SYNJ2BP: variants seen among roughly 807,000 people sequenced by gnomAD.
The protein encoded by SYNJ2BP is synaptojanin 2 binding protein.
In SYNJ2BP, 10 loss-of-function variants were observed where a neutral mutation model predicts 16.9. That is an observed-to-expected ratio of 0.59 (90% CI 0.36 to 1.00). The LOEUF (loss-of-function observed/expected upper bound fraction) is 1.00. Among genes scored for constraint, SYNJ2BP ranks in the 50% least tolerant of loss-of-function variants. SYNJ2BP has a pLI of 0.01. For missense variants in SYNJ2BP, 162 were observed against 186.7 expected, an observed-to-expected ratio of 0.87 and a Z score of 0.77; for synonymous variants, 54 against 68.4, an observed-to-expected ratio of 0.79 and a Z score of 1.04.
At chr14:70,375,809 G>A (rs755173926) in intron 2 of SYNJ2BP, 38 bp from the exon 3 acceptor site, 5 of 1,596,682 alleles carry the variant, frequency 3.1e-6, no homozygotes, top group Non-Finnish European at 4.3e-6. Flanking sequence ...AAGGAAGAAG[G>A]CTATTAGAAG....
chr14:70,367,264 G>A lies in SYNJ2BP; in HGVS notation c.*5727C>T, dbSNP rs1887408957. On this transcript the variant is annotated 3_prime_UTR_variant, in exon 4 of 4. Transcript: ENST00000256366. ...AAGCAAATCAAGTGCTTTGTGTTCT[G>A]TATATAAATTACATAATACAAGAGT... 6.6e-6 allele frequency: 1 copy of A among 152,116 alleles called. No homozygotes were observed. The highest frequency in any genetic ancestry group is 6.6e-5 in the Admixed American group (1 of 15,250). 9.4% of individuals were successfully genotyped at this position (152,116 alleles called of 1,614,324 possible).
In SYNJ2BP at chr14:70,416,890, C is replaced by T; in HGVS notation, c.64+10G>A. On this transcript the variant is annotated intron_variant, in intron 1 of 3. Coordinates refer to ENST00000256366, the MANE Select transcript of SYNJ2BP (RefSeq NM_018373.3). The stretch of plus-strand genomic sequence containing the variant: ...CCCCTACTGTCAGATATGACCCTTT[C>T]CGCACATACCTGAGGGCCCTCTGGT... 1 of 1,614,070 alleles carries T rather than the reference C, an allele frequency of 6.2e-7. No individual in the cohort carries two copies. The highest frequency in any genetic ancestry group is 2.2e-5 in the East Asian group (1 of 44,866).
intron 2 of SYNJ2BP, among the ~76,000 whole-genome samples, chr14:70,383,295 A>G (rs2877660): frequency 0.87 from 132,935 of 152,212 alleles, 58,111 homozygotes; most frequent in East Asian, 0.93. Flanking sequence ...TGATTGGATG[A>G]GGGTTTCTGC....
At chr14:70,391,679 T>G (rs922207775) in intron 1 of SYNJ2BP, among the ~76,000 whole-genome samples, 1 of 152,050 alleles carries the variant, frequency 6.6e-6, no homozygotes, top group African/African-American at 2.4e-5. Context: ...ATGTAGTAGT[T>G]AGCAACAGAA....
At chr14:70,405,805 C>G (rs1888333224) in intron 1 of SYNJ2BP, among the ~76,000 whole-genome samples, 1 of 152,094 alleles carries the variant, frequency 6.6e-6, no homozygotes, top group African/African-American at 2.4e-5. Context: ...ACTTGTTCAC[C>G]TTTTGAGTAA....
intron 2 of SYNJ2BP, among the ~76,000 whole-genome samples, chr14:70,377,034 C>G (rs1337636239): frequency 6.6e-6 from 1 of 152,152 alleles, no homozygotes; most frequent in East Asian, 1.9e-4. Flanking sequence ...CAATAGTTTC[C>G]AACTCCATTC....
chr14:70,388,352 A>G (rs1887905128), intron 2 of SYNJ2BP, 118 bp downstream of exon 2: 1 of 1,335,560 alleles, frequency 7.5e-7, no homozygotes, highest in Admixed American at 3.3e-5. Flanking sequence ...GTTCCCATTC[A>G]ACTCTACAAC....
In SYNJ2BP at chr14:70,373,044, C is replaced by A; in HGVS notation, c.385G>T (p.Ala129Ser). 1.2e-6 allele frequency: 2 copies of A among 1,614,138 alleles called. No individual in the cohort carries two copies. Among genetic ancestry groups the A allele is most frequent in the Non-Finnish European group, 1.7e-6 (2 of 1,180,028 alleles). ...PIFMVLVPVF[A>S]LTMVAAWAFM... ...GCCCAGGCTGCTACCATGGTGAGGG[C>A]AAACACTGGCACCAGCACCATAAAT... Residue 129 changes from alanine to serine, a missense_variant, in exon 4 of 4, where the codon GCC becomes TCC. By Grantham distance (99) the Ala-to-Ser change is moderately conservative. Coordinates refer to ENST00000256366, the MANE Select transcript of SYNJ2BP (RefSeq NM_018373.3).
rs114463260 is a variant in SYNJ2BP at position 70,376,904 on chromosome 14, T to C, written c.202-1133A>G. On this transcript the variant is annotated intron_variant, in intron 2 of 3. Coordinates refer to ENST00000256366, the MANE Select transcript of SYNJ2BP (RefSeq NM_018373.3). ...CCTTACTCAACTCTCTCATTTTCCT[T>C]GTCGCAATCTTCCTTCTCCAAGGCA... is the stretch of plus-strand genomic sequence containing the variant. 1.9e-3 allele frequency among the ~76,000 whole-genome samples: 295 copies of C among 152,306 alleles called. 4 individuals carry two copies. The highest frequency in any genetic ancestry group is 6.9e-3 in the African/African-American group (285 of 41,568).
intron 3 of SYNJ2BP, among the ~76,000 whole-genome samples, chr14:70,374,459 T>C (rs1341761826): frequency 1.3e-5 from 2 of 152,170 alleles, no homozygotes; most frequent in Non-Finnish European, 2.9e-5. Flanking sequence ...TGCACCTATT[T>C]AAGAAGTAGC....
At chr14:70,406,974 T>C (rs1002855148) in intron 1 of SYNJ2BP, among the ~76,000 whole-genome samples, 4 of 152,140 alleles carry the variant, frequency 2.6e-5, no homozygotes, top group South Asian at 2.1e-4. Context: ...GAAGAACCCA[T>C]TGGGTGATTA....
chr14:70,377,944 C>T (rs1029525769), intron 2 of SYNJ2BP, among the ~76,000 whole-genome samples: 2 of 152,198 alleles, frequency 1.3e-5, no homozygotes, highest in Non-Finnish European at 1.5e-5. Flanking sequence ...ATTCTCTATT[C>T]CCCTGTAATC....
chr14:70,395,093 T>C (rs924213805), intron 1 of SYNJ2BP, among the ~76,000 whole-genome samples: 6 of 152,198 alleles, frequency 3.9e-5, no homozygotes, highest in Non-Finnish European at 7.3e-5. Context: ...GAACAAGCAA[T>C]GCTGGGATAA....
chr14:70,371,547 T>C lies in SYNJ2BP; in HGVS notation c.*1444A>G, dbSNP rs1315481562. 1.3e-5 allele frequency: 2 copies of C among 152,218 alleles called. No individual in the cohort carries two copies. The highest frequency in any genetic ancestry group is 2.1e-4 in the South Asian group (1 of 4,826). The allele number at this position is 152,218 out of a possible 1,614,324, so 9.4% of individuals were successfully genotyped here. A position where few individuals can be genotyped will look rare whatever the true frequency, so the allele number is the denominator to read the frequency against. On this transcript the variant is annotated 3_prime_UTR_variant, in exon 4 of 4. Transcript: ENST00000256366. ...AGTTCTCCTGCCTCAGCCTCCTGAG[T>C]AGCTGGAATTACAGGAACGCGCCAC...
At chr14:70,413,850 A>T (rs1387999311) in intron 1 of SYNJ2BP, among the ~76,000 whole-genome samples, 1 of 152,166 alleles carries the variant, frequency 6.6e-6, no homozygotes, top group Non-Finnish European at 1.5e-5. Flanking sequence ...ACAGAACACA[A>T]AGGGGGAATG....
chr14:70,397,068 T>C (rs115586576), intron 1 of SYNJ2BP, among the ~76,000 whole-genome samples: 2,795 of 152,328 alleles, frequency 0.018, 79 homozygotes, highest in African/African-American at 0.063. Flanking sequence ...ATCGAAGGTA[T>C]TGAAGCTTTT....
intron 2 of SYNJ2BP, among the ~76,000 whole-genome samples, chr14:70,386,616 C>T (rs985942523): frequency 1.3e-5 from 2 of 152,124 alleles, no homozygotes; most frequent in African/African-American, 4.8e-5. Flanking sequence ...TACTCAGATG[C>T]CAAATGAAGA....
chr14:70,368,087 T>C lies in SYNJ2BP; in HGVS notation c.*4904A>G, dbSNP rs1195461549. ...ACCTGACAGCCTATACACTTCCTTA[T>C]GTTTCATTTCTTTAAATATACTTTA... On this transcript the variant is annotated 3_prime_UTR_variant, in exon 4 of 4. Coordinates refer to ENST00000256366, the MANE Select transcript of SYNJ2BP (RefSeq NM_018373.3). The C allele has an allele frequency of 1.6e-5, 2 of 126,050 alleles. No homozygotes were observed. Among genetic ancestry groups the C allele is most frequent in the African/African-American group, 5.5e-5 (2 of 36,206 alleles). The allele number at this position is 126,050 out of a possible 1,614,324, so 7.8% of individuals were successfully genotyped here. A position where few individuals can be genotyped will look rare whatever the true frequency, so the allele number is the denominator to read the frequency against.
intron 2 of SYNJ2BP, among the ~76,000 whole-genome samples, chr14:70,386,528 C>G (rs1887863102): frequency 6.6e-6 from 1 of 152,174 alleles, no homozygotes; most frequent in African/African-American, 2.4e-5. Context: ...GATTTTCTTT[C>G]TTTTTGGGGG....
Sources: allele counts gnomAD v4.1 joint callset (sites outside exome capture counted in the v4.1 genomes callset), GRCh38; gene constraint gnomAD v4.1.1; transcripts MANE v1.5; gene names NCBI Gene and HGNC (gene_info 2026-07-23, HGNC 2026-07-21).